CDH4: variants seen among roughly 807,000 people sequenced by gnomAD.
CDH4 encodes cadherin 4, also known as cadherin-4.
CDH4 carries 33 observed loss-of-function variants against 86.0 expected under a neutral mutation model. That is an observed-to-expected ratio of 0.38 (90% CI 0.29 to 0.51). The LOEUF is 0.51. CDH4 is among the 20% of genes least tolerant of loss of function. The pLI is 0.86. For missense variants in CDH4, 1,114 were observed against 1,307.4 expected, an observed-to-expected ratio of 0.85 and a Z score of 2.28; for synonymous variants, 555 against 549.4, an observed-to-expected ratio of 1.01 and a Z score of -0.14.
intron 2 of CDH4, among the ~76,000 whole-genome samples, chr20:61,632,064 G>A (rs887413973): frequency 3.3e-5 from 5 of 152,252 alleles, no homozygotes; most frequent in Admixed American, 6.5e-5. Flanking sequence ...CAGATCATCC[G>A]GGATGCGCTG....
chr20:61,783,774 G>A (rs545487287), intron 4 of CDH4, among the ~76,000 whole-genome samples: 2 of 113,290 alleles, frequency 1.8e-5, no homozygotes, highest in African/African-American at 6.4e-5. Context: ...AGTTCCTCGG[G>A]ACAGTTCTCG....
At chr20:61,764,427 G>A (rs956917625) in intron 3 of CDH4, among the ~76,000 whole-genome samples, 1 of 152,152 alleles carries the variant, frequency 6.6e-6, no homozygotes, top group African/African-American at 2.4e-5. Flanking sequence ...CTGTATCCCT[G>A]GGAAGAGAGA....
At chr20:61,528,480 A>AGGGAGGGGGAGGGGGGGG (rs2085929114) in intron 2 of CDH4, among the ~76,000 whole-genome samples, 1 of 139,330 alleles carries the variant, frequency 7.2e-6, no homozygotes, top group African/African-American at 2.8e-5. Context: ...GGAGGGGGAG[A>AGGGAGGGGGAGGGGGGGG]AAATACAGGC....
chr20:61,919,525 G>T (rs1469376672), intron 9 of CDH4, among the ~76,000 whole-genome samples: 1 of 152,270 alleles, frequency 6.6e-6, no homozygotes, highest in Non-Finnish European at 1.5e-5. Flanking sequence ...CTGCCTGCAG[G>T]TGGTTCACGA....
chr20:61,471,050 A>G (rs1240475640), intron 2 of CDH4, among the ~76,000 whole-genome samples: 1 of 152,098 alleles, frequency 6.6e-6, no homozygotes, highest in Admixed American at 6.5e-5. Flanking sequence ...TACTGGCCTC[A>G]CATAATGAGT....
rs2084549023 is a variant in CDH4, at chr20:61,328,438, GT to G, written c.169+73502del. On this transcript the variant is annotated intron_variant, in intron 2 of 15. Coordinates refer to ENST00000614565, the MANE Select transcript of CDH4 (RefSeq NM_001794.5). ...GATCCACCCGCCTTGACCTCCCAAA[GT>G]GCTGGGATTACAGGCGTGAGCCACC... 2.0e-5 allele frequency among the ~76,000 whole-genome samples: 3 copies of G among 152,310 alleles called. No individual in the cohort carries two copies. In the South Asian group the frequency reaches 6.2e-4, roughly 32 times the overall value.
chr20:61,931,091 G>A (rs905184632), intron 13 of CDH4, among the ~76,000 whole-genome samples: 4 of 152,238 alleles, frequency 2.6e-5, no homozygotes, highest in Admixed American at 6.5e-5. Flanking sequence ...GGGTGCATGG[G>A]GGGCACCCGG....
chr20:61,929,693 A>T lies in CDH4; in HGVS notation c.2090A>T (p.Asn697Ile), dbSNP rs779407591. The T allele has an allele frequency of 3.7e-6, 6 of 1,613,546 alleles. No individual in the cohort carries two copies. Among genetic ancestry groups the T allele is most frequent in the Non-Finnish European group, 5.1e-6 (6 of 1,179,942 alleles). The change falls in exon 13 of 16, where the codon AAC becomes ATC. Residue 697 changes from asparagine to isoleucine, a missense_variant. By Grantham distance (149) the Asn-to-Ile change is moderately radical. Around this residue, in one of 3 missense-constraint regions of CDH4, gnomAD observed 705 missense variants for 914.1 expected, o/e 0.77. Coordinates refer to ENST00000614565, the MANE Select transcript of CDH4 (RefSeq NM_001794.5). Reference protein sequence around the residue: ...DVPIIVTDSGNPPLSNTSIIK... With the variant: ...DVPIIVTDSGIPPLSNTSIIK... ...CCCATCATCGTCACAGACTCTGGAAACCCTCCCCTGTCCAACACGTCCATC... is the reference window on the plus strand; with the variant it reads ...CCCATCATCGTCACAGACTCTGGAATCCCTCCCCTGTCCAACACGTCCATC...
intron 9 of CDH4, among the ~76,000 whole-genome samples, chr20:61,913,826 C>G (rs941114363): frequency 6.6e-6 from 1 of 152,122 alleles, no homozygotes; most frequent in Non-Finnish European, 1.5e-5. Context: ...CTGACAGCAG[C>G]CAGGTGGGCA....
chr20:61,797,775 A>G (rs1979609019), intron 4 of CDH4, among the ~76,000 whole-genome samples: 1 of 152,186 alleles, frequency 6.6e-6, no homozygotes, highest in Admixed American at 6.5e-5. Flanking sequence ...TGACAAAGTG[A>G]GACCCCGTCT....
rs2085846055 is a variant in CDH4, at chr20:61,518,828, ATCAT to A, written c.170-224730_170-224727del. On this transcript the variant is annotated intron_variant, in intron 2 of 15. Transcript: ENST00000614565. This position sits in a 1 kb window ranked among gnomAD's most constrained non-coding sequence, Gnocchi z 6.3. Reference sequence around the variant, plus strand: ...CCACCCATCATCCATCCATTAATCCATCATTCATCCATTCATCCACCCATCACCC... The same window carrying A: ...CCACCCATCATCCATCCATTAATCCATCATCCATTCATCCACCCATCACCC... 1.3e-5 allele frequency among the ~76,000 whole-genome samples: 2 copies of A among 151,516 alleles called. No individual in the cohort carries two copies. Among genetic ancestry groups the A allele is most frequent in the East Asian group, 3.9e-4 (2 of 5,112 alleles).
At chr20:61,682,604 G>A (rs1007009120) in intron 2 of CDH4, among the ~76,000 whole-genome samples, 13 of 152,218 alleles carry the variant, frequency 8.5e-5, no homozygotes, top group Non-Finnish European at 1.9e-4. Flanking sequence ...GAGATGGGTG[G>A]AAAAGTGGAA....
At chr20:61,462,034 G>A (rs1421140364) in intron 2 of CDH4, among the ~76,000 whole-genome samples, 1 of 152,200 alleles carries the variant, frequency 6.6e-6, no homozygotes, top group East Asian at 1.9e-4. Flanking sequence ...TTACTACACG[G>A]CAGTAAGGCT....
intron 2 of CDH4, among the ~76,000 whole-genome samples, chr20:61,453,437 C>A (rs1426928407): frequency 2.6e-5 from 4 of 152,086 alleles, no homozygotes; most frequent in African/African-American, 9.7e-5. Flanking sequence ...AGTGACGGGA[C>A]CCCCCTGAGC....
chr20:61,575,537 A>T (rs984532386), intron 2 of CDH4, among the ~76,000 whole-genome samples: 1 of 152,242 alleles, frequency 6.6e-6, no homozygotes, highest in African/African-American at 2.4e-5. Flanking sequence ...CTTGGAATGA[A>T]GAAAAGGCAA....
At chr20:61,382,949 G>T (rs1056222093) in intron 2 of CDH4, among the ~76,000 whole-genome samples, 5 of 150,918 alleles carry the variant, frequency 3.3e-5, no homozygotes, top group African/African-American at 4.9e-5. Flanking sequence ...TTGCAGAGGG[G>T]AGGACACAAG....
intron 2 of CDH4, among the ~76,000 whole-genome samples, chr20:61,416,708 A>C (rs1046289538): frequency 6.6e-6 from 1 of 152,186 alleles, no homozygotes; most frequent in Non-Finnish European, 1.5e-5. Flanking sequence ...GACCAGACCC[A>C]TTGAAGGCAC....
At chr20:61,500,160 C>T (rs1445597994) in intron 2 of CDH4, among the ~76,000 whole-genome samples, 3 of 152,142 alleles carry the variant, frequency 2.0e-5, no homozygotes, top group Non-Finnish European at 2.9e-5. Context: ...GGGATGGTCC[C>T]GTGTGTCAGT....
intron 2 of CDH4, among the ~76,000 whole-genome samples, chr20:61,548,426 A>C (rs1190093583): frequency 6.6e-6 from 1 of 152,152 alleles, no homozygotes; most frequent in East Asian, 1.9e-4. Context: ...TACAAAGAGG[A>C]GAAGGAGAGC....
Sources: allele counts gnomAD v4.1 joint callset (sites outside exome capture counted in the v4.1 genomes callset), GRCh38; gene constraint gnomAD v4.1.1; regional missense constraint gnomAD v4.1.1; non-coding constraint Gnocchi (gnomAD v3.1); transcripts MANE v1.5; gene names NCBI Gene and HGNC (gene_info 2026-07-23, HGNC 2026-07-21).